REXO5: variants seen among roughly 807,000 people sequenced by gnomAD.
The protein encoded by REXO5 is exonuclease NEF-sp.
A neutral mutation model predicts 88.5 loss-of-function variants in REXO5; 48 were observed. That is an observed-to-expected ratio of 0.54 (90% confidence interval 0.43 to 0.69). The LOEUF (loss-of-function observed/expected upper bound fraction) is 0.69, where lower values mean the gene tolerates loss of function less well. Ranked by LOEUF, REXO5 falls within the 30% of genes least tolerant of loss-of-function variation. The pLI, the probability that REXO5 is intolerant of heterozygous loss-of-function variation, is 0.00. For missense variants in REXO5, 749 were observed against 912.2 expected, an observed-to-expected ratio of 0.82 and a Z score of 2.30; for synonymous variants, 311 against 336.5, an observed-to-expected ratio of 0.92 and a Z score of 0.83.
chr16:20,812,634 T>C (rs925853613), intron 2 of REXO5, among the ~76,000 whole-genome samples: 19 of 152,200 alleles, frequency 1.2e-4, no homozygotes, highest in Admixed American at 2.6e-4. Context: ...TTAGGCCGCA[T>C]TGATCTATGA....
intron 18 of REXO5, among the ~76,000 whole-genome samples, chr16:20,845,645 A>G (rs886372257): frequency 2.6e-5 from 4 of 152,108 alleles, no homozygotes; most frequent in Non-Finnish European, 5.9e-5. Context: ...AGACATCTGA[A>G]TGGACTTGTT....
rs756752579 is a variant in REXO5 at position 20,825,819 on chromosome 16, T to C, written c.706-14T>C. 181 of 1,579,218 alleles carry C rather than the reference T, an allele frequency of 1.1e-4. No homozygotes were observed. Among genetic ancestry groups the C allele is most frequent in the Non-Finnish European group, 1.3e-4 (145 of 1,148,822 alleles). On this transcript the variant is annotated splice_polypyrimidine_tract_variant and intron_variant, in intron 7 of 19. Transcript: ENST00000261377. ...TCCACAGTTCAGCAGCCTGACTACA[T>C]GTTGGTCTTTCAGTGCCTCACATCC...
intron 11 of REXO5, among the ~76,000 whole-genome samples, chr16:20,828,786 G>A (rs1367383698): frequency 6.6e-6 from 1 of 152,046 alleles, no homozygotes; most frequent in Non-Finnish European, 1.5e-5. Flanking sequence ...AATTAGCCAG[G>A]TGTGGTGGCG....
intron 8 of REXO5, 78 bp downstream of exon 8, chr16:20,826,026 T>G: frequency 1.1e-6 from 1 of 879,718 alleles, no homozygotes; most frequent in Non-Finnish European, 1.8e-6. Flanking sequence ...GGCCCACAGC[T>G]TCAGTTTAGT....
Position 20,833,001 on chromosome 16 carries a change from A to C in REXO5, c.1263-2A>C. ...TACCTTAACTCTTCTACTTCTTTAT[A>C]GTGTTTTAGAATGCTTGGATTCAGT... On this transcript the variant is annotated splice_acceptor_variant, in intron 12 of 19. Coordinates refer to ENST00000261377, the MANE Select transcript of REXO5 (RefSeq NM_030941.3). LOFTEE classifies it high-confidence loss of function. The C allele has an allele frequency of 2.5e-6, 4 of 1,611,012 alleles. No homozygotes were observed. Among genetic ancestry groups the C allele is most frequent in the Non-Finnish European group, 3.4e-6 (4 of 1,178,422 alleles).
intron 6 of REXO5, 24 bp from the exon 7 acceptor site, chr16:20,824,415 A>G (rs2081230679): frequency 7.1e-7 from 1 of 1,399,194 alleles, no homozygotes; most frequent in African/African-American, 1.4e-5. Flanking sequence ...CTAAAGGCAA[A>G]CATTTTCTTC....
At chr16:20,836,295 T>C (rs1299720056) in intron 13 of REXO5, among the ~76,000 whole-genome samples, 3 of 152,238 alleles carry the variant, frequency 2.0e-5, no homozygotes, top group Non-Finnish European at 2.9e-5. Context: ...ATGAATGTGC[T>C]CTGCCTGTTG....
intron 6 of REXO5, 88 bp downstream of exon 6, chr16:20,821,990 G>A (rs1252083345): frequency 1.0e-5 from 14 of 1,334,888 alleles, no homozygotes; most frequent in Non-Finnish European, 1.4e-5. Flanking sequence ...TCATTTATCT[G>A]GCTGTTTTCT....
intron 5 of REXO5, among the ~76,000 whole-genome samples, chr16:20,819,597 A>C (rs968697467): frequency 2.4e-4 from 36 of 151,076 alleles, no homozygotes; most frequent in African/African-American, 8.0e-4. Context: ...CTCTACTAAA[A>C]ATACAAAATT....
intron 15 of REXO5, among the ~76,000 whole-genome samples, chr16:20,840,808 A>C (rs2081515707): frequency 6.6e-6 from 1 of 152,118 alleles, no homozygotes; most frequent in African/African-American, 2.4e-5. Context: ...ACATTGCTAC[A>C]AACAATTTAA....
intron 13 of REXO5, among the ~76,000 whole-genome samples, chr16:20,833,833 C>T (rs1225399102): frequency 1.3e-5 from 2 of 152,180 alleles, no homozygotes; most frequent in Non-Finnish European, 2.9e-5. Context: ...CACATCTTAA[C>T]ATAGTTACCA....
At chr16:20,829,677 C>T (rs2081311513) in intron 11 of REXO5, among the ~76,000 whole-genome samples, 1 of 152,180 alleles carries the variant, frequency 6.6e-6, no homozygotes, top group African/African-American at 2.4e-5. Context: ...GCTGTATATA[C>T]ATTATCTTAT....
intron 3 of REXO5, 48 bp downstream of exon 3, chr16:20,813,350 T>TCTTTTC: frequency 2.3e-6 from 2 of 882,742 alleles, no homozygotes; most frequent in East Asian, 5.4e-5. Context: ...GTTTCTTTTT[T>TCTTTTC]TTTTTTTTTT....
chr16:20,818,585 CT>C (rs2081117008), intron 5 of REXO5, among the ~76,000 whole-genome samples: 1 of 152,192 alleles, frequency 6.6e-6, no homozygotes, highest in Non-Finnish European at 1.5e-5. Context: ...TTTTGTGCCT[CT>C]CAGCCTCCTG....
intron 15 of REXO5, among the ~76,000 whole-genome samples, chr16:20,842,980 C>G (rs550619704): frequency 6.6e-5 from 10 of 152,314 alleles, no homozygotes; most frequent in African/African-American, 1.4e-4. Flanking sequence ...AAGGTTCCAA[C>G]TTATCTACAT....
chr16:20,843,873 A>C (rs2081566691), intron 15 of REXO5, 61 bp from the exon 16 acceptor site: 1 of 1,219,794 alleles, frequency 8.2e-7, no homozygotes, highest in East Asian at 2.4e-5. Context: ...CCTTTCCCCA[A>C]CCCCTTCTTT....
chr16:20,836,996 T>C (rs2081441323), intron 13 of REXO5, among the ~76,000 whole-genome samples: 1 of 152,224 alleles, frequency 6.6e-6, no homozygotes, highest in African/African-American at 2.4e-5. Context: ...TGGTGAGTTT[T>C]AATAGTTCTT....
At chr16:20,828,903 C>G (rs1175926526) in intron 11 of REXO5, among the ~76,000 whole-genome samples, 1 of 149,722 alleles carries the variant, frequency 6.7e-6, no homozygotes, top group Non-Finnish European at 1.5e-5. Context: ...GAGATTGCAC[C>G]ACTGCACTCC....
intron 4 of REXO5, 44 bp from the exon 5 acceptor site, chr16:20,816,072 G>A: frequency 6.7e-7 from 1 of 1,501,406 alleles, no homozygotes; most frequent in Non-Finnish European, 9.3e-7. Flanking sequence ...CAGTATTTTA[G>A]CTGTTTTCAA....
Sources: gnomAD v4.1 joint callset for allele counts (sites outside exome capture counted in the v4.1 genomes callset) on GRCh38, gnomAD v4.1.1 for gene constraint, MANE v1.5 for transcripts, NCBI Gene and HGNC (gene_info 2026-07-23, HGNC 2026-07-21) for gene names.